VAV1: variants seen among roughly 807,000 people sequenced by gnomAD.
The protein encoded by VAV1 is proto-oncogene vav.
A neutral mutation model predicts 128.1 loss-of-function variants in VAV1; 33 were observed. The ratio of observed to expected loss-of-function variants is 0.26; its 90% CI spans 0.20 to 0.34. The LOEUF is 0.34. Ranked by LOEUF, VAV1 falls within the 10% of genes least tolerant of loss-of-function variation. The pLI is 1.00. For synonymous variants in VAV1, 394 were observed against 409.8 expected, an observed-to-expected ratio of 0.96 and a Z score of 0.47; for missense variants, 715 against 1,093.7, an observed-to-expected ratio of 0.65 and a Z score of 4.88.
intron 1 of VAV1, among the ~76,000 whole-genome samples, chr19:6,794,849 G>A (rs146896195): frequency 3.3e-5 from 5 of 152,270 alleles, no homozygotes; most frequent in African/African-American, 1.2e-4. Flanking sequence ...TGATGATGGT[G>A]CCTCAGCTCC....
Position 6,828,724 on chromosome 19 carries a change from C to G in VAV1, c.1179+16C>G, listed in dbSNP as rs778372936. ...TGAGAACCTGGTGAGGCGGTGGAGC[C>G]GGGTGGGCCAGGGGTGTGGCCACGT... On this transcript the variant is annotated intron_variant, in intron 12 of 26. Coordinates refer to ENST00000602142, the MANE Select transcript of VAV1 (RefSeq NM_005428.4). This position sits in a 1 kb window ranked among gnomAD's most constrained non-coding sequence, Gnocchi z 4.5. 74 of 1,614,010 alleles carry G rather than the reference C, an allele frequency of 4.6e-5. No homozygotes were observed. In the South Asian group the frequency reaches 7.6e-4, roughly 17 times the overall value.
intron 22 of VAV1, 104 bp from the exon 23 acceptor site, chr19:6,847,894 T>C: frequency 3.7e-6 from 4 of 1,085,514 alleles, no homozygotes; most frequent in South Asian, 2.1e-5. Flanking sequence ...TGTCACCAAC[T>C]TAAAAAATCA....
chr19:6,832,365 C>G (rs551346204), intron 15 of VAV1, among the ~76,000 whole-genome samples, 165 bp downstream of exon 15: 4 of 152,112 alleles, frequency 2.6e-5, no homozygotes, highest in Non-Finnish European at 2.9e-5. Context: ...TGTCTTCATC[C>G]TTGGAATGCA....
intron 23 of VAV1, among the ~76,000 whole-genome samples, chr19:6,849,946 A>C (rs1972623995): frequency 6.6e-6 from 1 of 152,074 alleles, no homozygotes; most frequent in South Asian, 2.1e-4. Context: ...CTTTGGGTAG[A>C]TACCCAGTCA....
In VAV1 at chr19:6,820,641, G is replaced by A. The variant is rs147731320; in HGVS notation, c.205-61G>A. ...CCAGTCCCCAAGCTAGGTGGCCTGG[G>A]GGTCAGTTTCTCCCCTGCCCTTTCG... On this transcript the variant is annotated intron_variant, in intron 1 of 26. Transcript: ENST00000602142. This position sits in a 1 kb window ranked among gnomAD's most constrained non-coding sequence, Gnocchi z 4.4. The A allele has an allele frequency of 3.7e-4, 530 of 1,424,712 alleles. 1 individual carries two copies. The African/African-American group carries it at 6.5e-3, about 17-fold the overall frequency. 88.3% of individuals were successfully genotyped at this position (1,424,712 alleles called of 1,614,324 possible).
At chr19:6,784,469 A>G (rs1970840620) in intron 1 of VAV1, among the ~76,000 whole-genome samples, 1 of 149,168 alleles carries the variant, frequency 6.7e-6, no homozygotes, top group South Asian at 2.1e-4. Context: ...ACTTGGCACC[A>G]TCCCTTTCCA....
chr19:6,803,662 C>T (rs113367654), intron 1 of VAV1, among the ~76,000 whole-genome samples: 16,087 of 152,050 alleles, frequency 0.11, 2,211 homozygotes, highest in African/African-American at 0.32. Flanking sequence ...CTTCCCAGGT[C>T]CAAGCTGTTC....
At chr19:6,785,797 T>C (rs1039565348) in intron 1 of VAV1, among the ~76,000 whole-genome samples, 1 of 151,646 alleles carries the variant, frequency 6.6e-6, no homozygotes, top group Non-Finnish European at 1.5e-5. Flanking sequence ...GTAGCCAGGA[T>C]TATAGGGACG....
Position 6,828,550 on chromosome 19 carries a change from C to G in VAV1, c.1092+63C>G. On this transcript the variant is annotated intron_variant, in intron 11 of 26. Coordinates refer to ENST00000602142, the MANE Select transcript of VAV1 (RefSeq NM_005428.4). The surrounding 1 kb of genome is among the most constrained non-coding windows in gnomAD (Gnocchi z 4.5). ...AGACACCCTCCTGGTAGGGGCTGAT[C>G]CTCTAGCCGGGATTAGGTAGGAGCC... The G allele has an allele frequency of 6.2e-7, 1 of 1,613,646 alleles. No individual in the cohort carries two copies. The highest frequency in any genetic ancestry group is 8.5e-7 in the Non-Finnish European group (1 of 1,179,622).
At chr19:6,841,774 C>T (rs1358462854) in intron 21 of VAV1, among the ~76,000 whole-genome samples, 2 of 152,158 alleles carry the variant, frequency 1.3e-5, no homozygotes, top group African/African-American at 4.8e-5. Context: ...GTGTCCAGCA[C>T]ATACTGTTTT....
intron 1 of VAV1, among the ~76,000 whole-genome samples, chr19:6,790,944 TC>T (rs1395803092): frequency 6.6e-6 from 1 of 152,170 alleles, no homozygotes; most frequent in South Asian, 2.1e-4. Flanking sequence ...TTTTGCCTCT[TC>T]CCTGTTTCAG....
chr19:6,854,166 C>G, intron 26 of VAV1, 68 bp downstream of exon 26: 1 of 1,573,874 alleles, frequency 6.4e-7, no homozygotes, highest in Non-Finnish European at 8.6e-7. Context: ...GAGACTGGAA[C>G]TGGGGACTGG....
chr19:6,828,238 G>T lies in VAV1; in HGVS notation c.1023+67G>T. 1.3e-6 allele frequency: 2 copies of T among 1,586,108 alleles called. No individual in the cohort carries two copies. The highest frequency in any genetic ancestry group is 1.7e-6 in the Non-Finnish European group (2 of 1,159,932). ...CTCCTGTGTCTATAAAAGTGGGGACGGGGCTGGCTTCTGGGGGTTGGGTCT... is the reference window on the plus strand; with the variant it reads ...CTCCTGTGTCTATAAAAGTGGGGACTGGGCTGGCTTCTGGGGGTTGGGTCT... On this transcript the variant is annotated intron_variant, in intron 10 of 26. Coordinates refer to ENST00000602142, the MANE Select transcript of VAV1 (RefSeq NM_005428.4). The surrounding 1 kb of genome is among the most constrained non-coding windows in gnomAD (Gnocchi z 4.5).
At chr19:6,809,593 C>T (rs779560082) in intron 1 of VAV1, among the ~76,000 whole-genome samples, 12 of 151,946 alleles carry the variant, frequency 7.9e-5, no homozygotes, top group African/African-American at 2.2e-4. Context: ...CAGCAGGGGC[C>T]GTGGTGAGGT....
intron 22 of VAV1, among the ~76,000 whole-genome samples, chr19:6,845,990 C>T (rs948086605): frequency 6.7e-6 from 1 of 148,354 alleles, no homozygotes; most frequent in Non-Finnish European, 1.5e-5. Context: ...ATATACTATA[C>T]TGTAGCTTTA....
chr19:6,813,579 T>C (rs76413264), intron 1 of VAV1, among the ~76,000 whole-genome samples: 8,621 of 152,224 alleles, frequency 0.057, 351 homozygotes, highest in African/African-American at 0.11. Context: ...TCTTAATATT[T>C]GGTAGGACTC....
intron 13 of VAV1, among the ~76,000 whole-genome samples, chr19:6,829,433 A>T (rs564554421): frequency 6.6e-6 from 1 of 152,150 alleles, no homozygotes; most frequent in South Asian, 2.1e-4. Flanking sequence ...GGGTGGGGCC[A>T]GGTTCTTATG....
intron 1 of VAV1, among the ~76,000 whole-genome samples, chr19:6,788,208 A>G (rs1350202236): frequency 6.6e-6 from 1 of 152,068 alleles, no homozygotes; most frequent in Non-Finnish European, 1.5e-5. Flanking sequence ...CTCTTAGATT[A>G]CAGGAATGAG....
chr19:6,810,444 C>T (rs1971490706), intron 1 of VAV1, among the ~76,000 whole-genome samples: 1 of 152,154 alleles, frequency 6.6e-6, no homozygotes, highest in Non-Finnish European at 1.5e-5. Flanking sequence ...TGGTTCATGC[C>T]TTTAATCCCA....
Sources: gnomAD v4.1 joint callset for allele counts (sites outside exome capture counted in the v4.1 genomes callset) on GRCh38, gnomAD v4.1.1 for gene constraint, Gnocchi (gnomAD v3.1) non-coding constraint, MANE v1.5 for transcripts, NCBI Gene and HGNC (gene_info 2026-07-23, HGNC 2026-07-21) for gene names.